Variants in PDCD6IP observed in about 807,000 individuals in gnomAD.
PDCD6IP encodes the protein programmed cell death 6-interacting protein.
A neutral mutation model predicts 103.7 loss-of-function variants in PDCD6IP; 43 were observed. That is an observed-to-expected ratio of 0.41 (90% CI 0.32 to 0.53). The LOEUF is 0.53. Ranked by LOEUF, PDCD6IP falls within the 20% of genes least tolerant of loss-of-function variation. PDCD6IP has a pLI of 0.16. For missense variants in PDCD6IP, 871 were observed against 1,036.7 expected (o/e 0.84, Z 2.20); for synonymous variants, 354 against 378.7 (o/e 0.93, Z 0.76).
intron 3 of PDCD6IP, among the ~76,000 whole-genome samples, chr3:33,819,622 G>A (rs1696942634): frequency 6.6e-6 from 1 of 152,196 alleles, no homozygotes; most frequent in African/African-American, 2.4e-5. Context: ...CCAAAGTACT[G>A]TAACAAGGAG....
chr3:33,801,621 TCAAAA>T (rs150270368), intron 1 of PDCD6IP, among the ~76,000 whole-genome samples: 1 of 151,558 alleles, frequency 6.6e-6, no homozygotes, highest in Non-Finnish European at 1.5e-5. Context: ...AGACGCTGTC[TCAAAA>T]CAAAACAAAA....
At chr3:33,801,364 G>A (rs886914655) in intron 1 of PDCD6IP, among the ~76,000 whole-genome samples, 1 of 152,114 alleles carries the variant, frequency 6.6e-6, no homozygotes, top group African/African-American at 2.4e-5. Context: ...AATAATTGAA[G>A]CCAGCTTGAT....
At position 33,852,471 on chromosome 3, in the gene PDCD6IP, G is replaced by C. The variant is rs774353853; in HGVS notation, c.1642-17G>C. ...TTTTTTTTTTTGCAGTTAAACTAAG[G>C]TGTCTTTTTTGTTTAGGTTGTAAAT... On this transcript the variant is annotated splice_polypyrimidine_tract_variant and intron_variant, in intron 12 of 17. Coordinates refer to ENST00000307296, the MANE Select transcript of PDCD6IP (RefSeq NM_013374.6). The C allele has an allele frequency of 7.1e-6, 9 of 1,270,980 alleles. No individual in the cohort carries two copies. The highest frequency in any genetic ancestry group is 6.4e-5 in the Admixed American group (2 of 31,402). The allele number at this position is 1,270,980 out of a possible 1,614,324, so 78.7% of individuals were successfully genotyped here.
chr3:33,832,567 C>A (rs570629195), intron 7 of PDCD6IP, among the ~76,000 whole-genome samples: 117 of 152,256 alleles, frequency 7.7e-4, no homozygotes, highest in African/African-American at 2.7e-3. Flanking sequence ...AAGTCTTCTT[C>A]CAAATGGCTA....
At chr3:33,859,292 C>T (rs958028953) in intron 15 of PDCD6IP, among the ~76,000 whole-genome samples, 6 of 151,428 alleles carry the variant, frequency 4.0e-5, no homozygotes, top group Non-Finnish European at 7.4e-5. Context: ...AGGAGAATTC[C>T]GTAATAAAGC....
intron 11 of PDCD6IP, among the ~76,000 whole-genome samples, 170 bp from the exon 12 acceptor site, chr3:33,845,249 A>G (rs1325962872): frequency 6.6e-6 from 1 of 152,196 alleles, no homozygotes; most frequent in Non-Finnish European, 1.5e-5. Context: ...TCATCTTTCT[A>G]AAAACGAGAA....
chr3:33,826,687 A>G (rs770451757), intron 6 of PDCD6IP, 107 bp downstream of exon 6: 12 of 1,500,054 alleles, frequency 8.0e-6, no homozygotes, highest in South Asian at 6.1e-5. Context: ...TGAAGTTTTA[A>G]TAGAGTTATC....
chr3:33,828,824 T>C (rs777244220), intron 6 of PDCD6IP, 29 bp from the exon 7 acceptor site: 1 of 1,610,916 alleles, frequency 6.2e-7, no homozygotes, highest in South Asian at 1.1e-5. Context: ...GTGGTTGGAC[T>C]CTCCCCTGGT....
intron 3 of PDCD6IP, among the ~76,000 whole-genome samples, chr3:33,815,686 A>T (rs1696832366): frequency 6.6e-6 from 1 of 152,184 alleles, no homozygotes; most frequent in Non-Finnish European, 1.5e-5. Context: ...CAGAAGGAAG[A>T]GTAAGAGTTG....
chr3:33,859,813 T>A (rs1697912470), intron 15 of PDCD6IP, among the ~76,000 whole-genome samples: 1 of 152,214 alleles, frequency 6.6e-6, no homozygotes, highest in South Asian at 2.1e-4. Flanking sequence ...ATCCAGCCAT[T>A]CTGTTTTTGG....
chr3:33,858,820 A>C (rs993182104), intron 15 of PDCD6IP, among the ~76,000 whole-genome samples: 7 of 150,530 alleles, frequency 4.7e-5, no homozygotes, highest in African/African-American at 1.8e-4. Flanking sequence ...AAAAACAAAA[A>C]CAAAACAAAA....
chr3:33,805,437 T>C (rs1283854172), intron 1 of PDCD6IP, among the ~76,000 whole-genome samples: 1 of 152,026 alleles, frequency 6.6e-6, no homozygotes, highest in African/African-American at 2.4e-5. Context: ...AACATTTTTG[T>C]TTTTTTAAGA....
chr3:33,848,383 G>A (rs1216346904), intron 12 of PDCD6IP, among the ~76,000 whole-genome samples: 1 of 151,868 alleles, frequency 6.6e-6, no homozygotes, highest in Admixed American at 6.6e-5. Context: ...TAAAATAGAA[G>A]ATTTTGTTGA....
At position 33,823,989 on chromosome 3, in the gene PDCD6IP, A is replaced by C. The variant is rs540901766; in HGVS notation, c.463-1198A>C. ...TGGTATTAGACCTAGGTCCTTGTCTAGGCTGCTTGCCACCCAGAAGCTTTG... is the reference window on the plus strand; with the variant it reads ...TGGTATTAGACCTAGGTCCTTGTCTCGGCTGCTTGCCACCCAGAAGCTTTG... On this transcript the variant is annotated intron_variant, in intron 4 of 17. Transcript: ENST00000307296. Among the ~76,000 whole-genome samples, 11 of 152,244 alleles carry C rather than the reference A, an allele frequency of 7.2e-5. No individual in the cohort carries two copies. In the South Asian group the frequency reaches 2.3e-3, roughly 32 times the overall value.
chr3:33,842,816 G>A (rs963683627), intron 10 of PDCD6IP, among the ~76,000 whole-genome samples: 1 of 152,174 alleles, frequency 6.6e-6, no homozygotes, highest in African/African-American at 2.4e-5. Flanking sequence ...TATTCCACCA[G>A]TGTTCCTCAT....
intron 7 of PDCD6IP, among the ~76,000 whole-genome samples, chr3:33,830,600 G>C (rs1230294572): frequency 6.6e-6 from 1 of 152,092 alleles, no homozygotes; most frequent in African/African-American, 2.4e-5. Context: ...ACAGAAGTTG[G>C]GTGTGATGGC....
At chr3:33,845,985 A>G (rs1218138345) in intron 12 of PDCD6IP, among the ~76,000 whole-genome samples, 2 of 152,184 alleles carry the variant, frequency 1.3e-5, no homozygotes, top group African/African-American at 2.4e-5. Context: ...CACCGGAACT[A>G]CCTTTGAAAG....
At chr3:33,860,922 A>T (rs1697936966) in intron 15 of PDCD6IP, among the ~76,000 whole-genome samples, 1 of 152,174 alleles carries the variant, frequency 6.6e-6, no homozygotes, top group South Asian at 2.1e-4. Flanking sequence ...GGTTAATTAA[A>T]TAAAACTACA....
chr3:33,858,615 C>G (rs1697881615), intron 15 of PDCD6IP, among the ~76,000 whole-genome samples: 1 of 152,142 alleles, frequency 6.6e-6, no homozygotes, highest in East Asian at 1.9e-4. Flanking sequence ...TCGAGACCAT[C>G]CTGGCTAACA....
Sources: allele counts gnomAD v4.1 joint callset (sites outside exome capture counted in the v4.1 genomes callset), GRCh38; gene constraint gnomAD v4.1.1; transcripts MANE v1.5; gene names NCBI Gene and HGNC (gene_info 2026-07-23, HGNC 2026-07-21).